The following IQCM variants were observed in gnomAD, a reference collection of about 807,000 sequenced individuals.
IQCM encodes the protein IQ motif containing M, also known as IQ domain-containing protein M.
IQCM carries 45 observed loss-of-function variants against 57.6 expected under a neutral mutation model. That is an observed-to-expected ratio of 0.78 (90% CI 0.62 to 1.00). The LOEUF (loss-of-function observed/expected upper bound fraction) is 1.00, where lower values mean the gene tolerates loss of function less well. Ranked by LOEUF, IQCM falls within the 50% of genes least tolerant of loss-of-function variation. IQCM has a pLI of 0.00. For missense variants in IQCM, 468 were observed against 511.6 expected, an observed-to-expected ratio of 0.91 and a Z score of 0.82; for synonymous variants, 148 against 158.9, an observed-to-expected ratio of 0.93 and a Z score of 0.51.
intron 12 of IQCM, among the ~76,000 whole-genome samples, chr4:149,506,711 G>A: frequency 6.6e-6 from 1 of 152,188 alleles, no homozygotes. Flanking sequence ...TAATTCCTAA[G>A]AGAAAAAGCT....
chr4:149,642,344 C>A (rs1326099002), intron 7 of IQCM, among the ~76,000 whole-genome samples: 1 of 152,064 alleles, frequency 6.6e-6, no homozygotes, highest in African/African-American at 2.4e-5. Context: ...CACAGCTTAG[C>A]ACAAACTGAT....
intron 12 of IQCM, among the ~76,000 whole-genome samples, chr4:149,497,853 A>G (rs1560916391): frequency 1.3e-5 from 2 of 151,744 alleles, no homozygotes; most frequent in Non-Finnish European, 2.9e-5. Context: ...TTTTTCGCTT[A>G]GTATTTTTCT....
chr4:149,433,190 A>G lies in IQCM; in HGVS notation c.1390+206T>C, dbSNP rs569084800. 2.6e-5 allele frequency among the ~76,000 whole-genome samples: 4 copies of G among 152,154 alleles called. No individual in the cohort carries two copies. In the East Asian group the frequency reaches 7.8e-4, roughly 30 times the overall value. The stretch of plus-strand genomic sequence containing the variant: ...CATTAACTAGTGAATAGACAGGCAC[A>G]ATGTAGTTCCACTATTCTAGCGGAG... On this transcript the variant is annotated intron_variant, in intron 13 of 13. Transcript: ENST00000636793.
At chr4:149,715,149 AG>A (rs905469943) in intron 5 of IQCM, among the ~76,000 whole-genome samples, 1 of 152,216 alleles carries the variant, frequency 6.6e-6, no homozygotes, top group Non-Finnish European at 1.5e-5. Context: ...CCTTTGCCTG[AG>A]TTTTGCTGGG....
intron 2 of IQCM, among the ~76,000 whole-genome samples, chr4:149,814,414 A>T (rs1185460923): frequency 6.6e-6 from 1 of 151,948 alleles, no homozygotes; most frequent in Non-Finnish European, 1.5e-5. Flanking sequence ...TACCACCAGA[A>T]TTATTTTCAC....
intron 9 of IQCM, among the ~76,000 whole-genome samples, chr4:149,572,985 C>G (rs1751304537): frequency 6.6e-6 from 1 of 151,592 alleles, no homozygotes; most frequent in African/African-American, 2.4e-5. Flanking sequence ...GAAATTTCTC[C>G]TAAGTATGAA....
chr4:149,800,624 AC>A (rs1232848273), intron 2 of IQCM, among the ~76,000 whole-genome samples: 1 of 151,956 alleles, frequency 6.6e-6, no homozygotes. Flanking sequence ...AACTATTCGA[AC>A]TGAAAAAAAT....
At chr4:149,461,812 AAGGAATACTATATATATAT>A (rs1462744368) in intron 12 of IQCM, among the ~76,000 whole-genome samples, 3 of 151,822 alleles carry the variant, frequency 2.0e-5, no homozygotes, top group Admixed American at 2.0e-4. Context: ...AATAAAACTA[AAGGAATACTATATATATAT>A]AGTGTGTATA....
chr4:149,527,991 T>A (rs1454598637), intron 12 of IQCM, among the ~76,000 whole-genome samples: 1 of 3,548 alleles, frequency 2.8e-4, no homozygotes, highest in African/African-American at 3.2e-4. Context: ...GTTTTTTGTT[T>A]TTTTTTTTTT....
rs568061625 is a variant in IQCM, at chr4:149,654,526, C to G, written c.565+27592G>C. 3.9e-4 allele frequency among the ~76,000 whole-genome samples: 59 copies of G among 152,280 alleles called. No individual in the cohort carries two copies. The South Asian group carries it at 0.012, about 32-fold the overall frequency. The stretch of plus-strand genomic sequence containing the variant: ...CGCCATGAGTAAAAGCTTCCTGAGG[C>G]CTCCCCAGAAGCAGATGTCTGCACT... On this transcript the variant is annotated intron_variant, in intron 7 of 13. Transcript: ENST00000636793.
At chr4:149,648,327 A>C (rs1758829971) in intron 7 of IQCM, among the ~76,000 whole-genome samples, 1 of 152,144 alleles carries the variant, frequency 6.6e-6, no homozygotes, top group Admixed American at 6.6e-5. Flanking sequence ...TAGTTTGCTG[A>C]GAATGATGGT....
chr4:149,748,621 C>G (rs1043672029), intron 2 of IQCM: 2 of 152,028 alleles, frequency 1.3e-5, no homozygotes, highest in African/African-American at 2.4e-5. Context: ...GATTTTGATA[C>G]TGTTATGTAT....
chr4:149,573,766 G>A (rs1751380713), intron 9 of IQCM, among the ~76,000 whole-genome samples: 1 of 77,970 alleles, frequency 1.3e-5, no homozygotes, highest in Admixed American at 1.2e-4. Flanking sequence ...TGAGACCCTG[G>A]CTCAAAAAAA....
At chr4:149,685,012 G>A (rs1762450492) in intron 6 of IQCM, among the ~76,000 whole-genome samples, 1 of 151,450 alleles carries the variant, frequency 6.6e-6, no homozygotes, top group African/African-American at 2.4e-5. Flanking sequence ...GGAAGTTAGG[G>A]TGTCAAGGGA....
At chr4:149,693,418 G>A (rs978246664) in intron 5 of IQCM, among the ~76,000 whole-genome samples, 6 of 152,004 alleles carry the variant, frequency 3.9e-5, no homozygotes, top group Non-Finnish European at 8.8e-5. Context: ...CACACATAAC[G>A]ACACTACTGT....
At chr4:149,626,392 C>CATATATATATATATATATATATATATAT (rs371051488) in intron 7 of IQCM, among the ~76,000 whole-genome samples, 4,850 of 118,478 alleles carry the variant, frequency 0.041, 277 homozygotes, top group Admixed American at 0.056. Flanking sequence ...ACTTAATAAA[C>CATATATATATATATATATATATATATAT]ATATATATAT....
At chr4:149,551,723 A>G (rs1298648152) in intron 11 of IQCM, among the ~76,000 whole-genome samples, 1 of 152,170 alleles carries the variant, frequency 6.6e-6, no homozygotes, top group Non-Finnish European at 1.5e-5. Context: ...TATTCATAAA[A>G]AAAATACTAA....
At chr4:149,686,807 A>G (rs1762574225) in intron 5 of IQCM, among the ~76,000 whole-genome samples, 1 of 151,496 alleles carries the variant, frequency 6.6e-6, no homozygotes, top group African/African-American at 2.4e-5. Flanking sequence ...TATTATAATC[A>G]TTATCATCAC....
intron 2 of IQCM, among the ~76,000 whole-genome samples, chr4:149,765,251 C>T (rs1037980068): frequency 6.6e-6 from 1 of 152,008 alleles, no homozygotes; most frequent in Non-Finnish European, 1.5e-5. Flanking sequence ...GATGAGGTGA[C>T]CTCAAGGAGC....
Sources: allele counts gnomAD v4.1 joint callset (sites outside exome capture counted in the v4.1 genomes callset), GRCh38; gene constraint gnomAD v4.1.1; transcripts MANE v1.5; gene names NCBI Gene and HGNC (gene_info 2026-07-23, HGNC 2026-07-21).